SUSD6: variants seen among roughly 807,000 people sequenced by gnomAD.
SUSD6 encodes sushi domain-containing protein 6.
SUSD6 carries 16 observed loss-of-function variants against 28.4 expected under a neutral mutation model. That is an observed-to-expected ratio of 0.56 (90% CI 0.38 to 0.86). SUSD6 has a LOEUF of 0.86. Among genes scored for constraint, SUSD6 ranks in the 40% least tolerant of loss-of-function variants. The pLI, the probability that SUSD6 is intolerant of heterozygous loss-of-function variation, is 0.00. For missense variants in SUSD6, 341 were observed against 384.2 expected (o/e 0.89, Z 0.94); for synonymous variants, 147 against 159.6 (o/e 0.92, Z 0.59).
intron 2 of SUSD6, among the ~76,000 whole-genome samples, chr14:69,699,195 TTTTTC>T (rs199506196): frequency 2.1e-4 from 32 of 152,270 alleles, no homozygotes; most frequent in Non-Finnish European, 3.1e-4. Context: ...TCATGTGTTC[TTTTTC>T]TTTTCTTTTC....
At chr14:69,678,368 A>G (rs929163581) in intron 2 of SUSD6, among the ~76,000 whole-genome samples, 1 of 149,808 alleles carries the variant, frequency 6.7e-6, no homozygotes, top group Non-Finnish European at 1.5e-5. Flanking sequence ...ATAATTATTG[A>G]TTACAAACTA....
Position 69,648,680 on chromosome 14 carries a change from A to C in SUSD6, c.-80-9833A>C, listed in dbSNP as rs140012175. ...GGAAAACGATCCACAGAGATGGTAAAAAGTAAACATAACTGCATCAGCCAG... is the reference window on the plus strand; with the variant it reads ...GGAAAACGATCCACAGAGATGGTAACAAGTAAACATAACTGCATCAGCCAG... On this transcript the variant is annotated intron_variant, in intron 1 of 5. Coordinates refer to ENST00000342745, the MANE Select transcript of SUSD6 (RefSeq NM_014734.4). 5.7e-4 allele frequency among the ~76,000 whole-genome samples: 87 copies of C among 152,300 alleles called. 2 individuals are homozygous for C. In the South Asian group the frequency reaches 0.01, roughly 18 times the overall value.
At position 69,623,364 on chromosome 14, in the gene SUSD6, CAT is replaced by C. The variant is rs1885069602; in HGVS notation, c.-81+11538_-81+11539del. ...AGTGACATTGTAGCCATGGTAAGGTCATAGCACAATGCATTACTCACCTGTTT... is the reference window on the plus strand; with the variant it reads ...AGTGACATTGTAGCCATGGTAAGGTCAGCACAATGCATTACTCACCTGTTT... On this transcript the variant is annotated intron_variant, in intron 1 of 5. Coordinates refer to ENST00000342745, the MANE Select transcript of SUSD6 (RefSeq NM_014734.4). Among the ~76,000 whole-genome samples, 4 of 152,090 alleles carry C rather than the reference CAT, an allele frequency of 2.6e-5. No individual in the cohort carries two copies. The South Asian group carries it at 8.3e-4, about 32-fold the overall frequency.
intron 2 of SUSD6, among the ~76,000 whole-genome samples, chr14:69,693,818 C>T (rs1411739006): frequency 6.6e-6 from 1 of 152,170 alleles, no homozygotes; most frequent in Non-Finnish European, 1.5e-5. Flanking sequence ...TGTCTGACCC[C>T]CAAGACTATG....
intron 2 of SUSD6, among the ~76,000 whole-genome samples, chr14:69,681,007 C>T (rs1885989961): frequency 6.6e-6 from 1 of 152,172 alleles, no homozygotes; most frequent in South Asian, 2.1e-4. Flanking sequence ...GTGTTGGCCC[C>T]AGTTGTTTTG....
rs1885617440 is a variant in SUSD6, at chr14:69,658,557, A to G, written c.-36A>G. On this transcript the variant is annotated 5_prime_UTR_variant, in exon 2 of 6. Coordinates refer to ENST00000342745, the MANE Select transcript of SUSD6 (RefSeq NM_014734.4). ...ACTTTAGGATTCTTCTGGATTTTAA[A>G]TTTTTTCTTTTTAAAAAAACTTGGA... 6.2e-6 allele frequency: 10 copies of G among 1,611,514 alleles called. No individual in the cohort carries two copies. Among genetic ancestry groups the G allele is most frequent in the Non-Finnish European group, 8.5e-6 (10 of 1,178,550 alleles).
chr14:69,619,581 GA>G (rs1885006183), intron 1 of SUSD6, among the ~76,000 whole-genome samples: 1 of 149,468 alleles, frequency 6.7e-6, no homozygotes, highest in South Asian at 2.1e-4. Context: ...AGCATAGTGA[GA>G]GTCCACATCT....
chr14:69,679,250 A>G (rs1371445068), intron 2 of SUSD6, among the ~76,000 whole-genome samples: 1 of 152,196 alleles, frequency 6.6e-6, no homozygotes, highest in Non-Finnish European at 1.5e-5. Flanking sequence ...AAGATGCTAT[A>G]TTACATACTA....
chr14:69,698,510 T>C (rs994090254), intron 2 of SUSD6, among the ~76,000 whole-genome samples: 1 of 152,228 alleles, frequency 6.6e-6, no homozygotes, highest in African/African-American at 2.4e-5. Flanking sequence ...CTTTGACCCC[T>C]GGGGCCTTTC....
intron 2 of SUSD6, among the ~76,000 whole-genome samples, chr14:69,678,582 C>T (rs763804952): frequency 1.3e-5 from 2 of 151,930 alleles, no homozygotes; most frequent in Non-Finnish European, 1.5e-5. Context: ...GTGGGCAGAT[C>T]GCTTGAGCCC....
intron 2 of SUSD6, among the ~76,000 whole-genome samples, chr14:69,672,973 G>A (rs1194313067): frequency 2.0e-5 from 3 of 152,190 alleles, no homozygotes; most frequent in Non-Finnish European, 4.4e-5. Context: ...CCCTGCCTCT[G>A]GTCAAGGCTT....
chr14:69,659,945 A>G (rs762136260), intron 2 of SUSD6, among the ~76,000 whole-genome samples: 1 of 152,210 alleles, frequency 6.6e-6, no homozygotes, highest in Non-Finnish European at 1.5e-5. Context: ...TGTGTACGGT[A>G]GGCCTCTGGG....
intron 2 of SUSD6, among the ~76,000 whole-genome samples, chr14:69,663,100 G>A (rs1885686955): frequency 6.6e-6 from 1 of 152,156 alleles, no homozygotes; most frequent in Non-Finnish European, 1.5e-5. Flanking sequence ...GACCAGTAAG[G>A]AGGGATTAAT....
chr14:69,656,622 G>A lies in SUSD6; in HGVS notation c.-80-1891G>A, dbSNP rs577043044. Reference sequence around the variant, plus strand: ...ATGATTACAACAGCAGCAGCAGCCAGTGTTTACTGAGGACTTACAAAGCAC... The same window carrying A: ...ATGATTACAACAGCAGCAGCAGCCAATGTTTACTGAGGACTTACAAAGCAC... On this transcript the variant is annotated intron_variant, in intron 1 of 5. Transcript: ENST00000342745. Among the ~76,000 whole-genome samples, 3 of 152,332 alleles carry A rather than the reference G, an allele frequency of 2.0e-5. No individual in the cohort carries two copies. The South Asian group carries it at 6.2e-4, about 32-fold the overall frequency.
intron 1 of SUSD6, among the ~76,000 whole-genome samples, chr14:69,638,926 T>G (rs1885306218): frequency 6.6e-6 from 1 of 152,146 alleles, no homozygotes; most frequent in Non-Finnish European, 1.5e-5. Flanking sequence ...GCTCCTTTGG[T>G]CCAGTTTGGT....
chr14:69,623,568 A>T (rs1885072908), intron 1 of SUSD6, among the ~76,000 whole-genome samples: 1 of 151,964 alleles, frequency 6.6e-6, no homozygotes, highest in Non-Finnish European at 1.5e-5. Context: ...TTAGGAAAAA[A>T]CTCCCCAAAA....
At chr14:69,639,149 A>G (rs1454007772) in intron 1 of SUSD6, among the ~76,000 whole-genome samples, 1 of 151,988 alleles carries the variant, frequency 6.6e-6, no homozygotes, top group Non-Finnish European at 1.5e-5. Flanking sequence ...TAACACGGTG[A>G]AACCCCGTCT....
chr14:69,632,553 G>A (rs1387732143), intron 1 of SUSD6, among the ~76,000 whole-genome samples: 3 of 151,938 alleles, frequency 2.0e-5, no homozygotes, highest in African/African-American at 7.3e-5. Context: ...GTCATGATGT[G>A]ATGGACAAAA....
intron 1 of SUSD6, among the ~76,000 whole-genome samples, chr14:69,646,700 C>CTTT (rs61409476): frequency 0.3 from 32,564 of 109,164 alleles, 6,633 homozygotes; most frequent in South Asian, 0.38. Context: ...TTTTTTCCAT[C>CTTT]TTTTTTTTTT....
Sources: allele counts gnomAD v4.1 joint callset (sites outside exome capture counted in the v4.1 genomes callset), GRCh38; gene constraint gnomAD v4.1.1; transcripts MANE v1.5; gene names NCBI Gene and HGNC (gene_info 2026-07-23, HGNC 2026-07-21).